The following TFEC variants were observed in gnomAD, a reference collection of about 807,000 sequenced individuals.
TFEC encodes transcription factor EC, also known as class E basic helix-loop-helix protein 34.
In TFEC, 31 loss-of-function variants were observed where a neutral mutation model predicts 41.6. The observed-to-expected ratio is 0.74, with a 90% CI of 0.56 to 1.01. The LOEUF is 1.01. TFEC is among the 50% of genes least tolerant of loss of function. TFEC has a pLI of 0.00. For synonymous variants in TFEC, 143 were observed against 140.6 expected, an observed-to-expected ratio of 1.02 and a Z score of -0.12; for missense variants, 402 against 404.1, an observed-to-expected ratio of 0.99 and a Z score of 0.04.
chr7:116,139,072 A>G (rs1167696308), intron 1 of TFEC, among the ~76,000 whole-genome samples: 1 of 152,128 alleles, frequency 6.6e-6, no homozygotes, highest in Non-Finnish European at 1.5e-5. Flanking sequence ...GCCGTGGCAG[A>G]TTGCTGCACT....
At position 115,984,425 on chromosome 7, in the gene TFEC, T is replaced by A; in HGVS notation, c.17A>T (p.Gln6Leu). The change falls in exon 2 of 8, where the codon CAG (glutamine) becomes CTG (leucine). Residue 6 changes from glutamine to leucine, a missense_variant. By Grantham distance (113) the Gln-to-Leu change is moderately radical (BLOSUM62 -2). Coordinates refer to ENST00000265440, the MANE Select transcript of TFEC (RefSeq NM_012252.4). Reference protein sequence around the residue: MTLDHQIINPTLKWSQ... With the variant: MTLDHLIINPTLKWSQ... ...CCATTTAAGAGTTGGATTGATGATC[T>A]GATGATCAAGGGTCATGAAAGAGTT... 1 of 1,614,146 alleles carries A rather than the reference T, an allele frequency of 6.2e-7. No individual in the cohort carries two copies. The highest frequency in any genetic ancestry group is 8.5e-7 in the Non-Finnish European group (1 of 1,179,978).
rs1795481541 is a variant in TFEC at position 116,023,636 on chromosome 7, T to C, written c.-73+6997A>G. Among the ~76,000 whole-genome samples the C allele has an allele frequency of 4.6e-5, 7 of 152,140 alleles. 1 individual carries two copies. In the South Asian group the frequency reaches 1.5e-3, roughly 32 times the overall value. On this transcript the variant is annotated intron_variant, in intron 1 of 7. Transcript: ENST00000265440. The stretch of plus-strand genomic sequence containing the variant: ...ATACAGCATGAACATCTCAAGAGAC[T>C]TGCCCTAGGTCAGTTCATCTCTCTG...
chr7:116,122,338 A>T (rs1371310746), intron 1 of TFEC, among the ~76,000 whole-genome samples: 1 of 152,104 alleles, frequency 6.6e-6, no homozygotes, highest in African/African-American at 2.4e-5. Flanking sequence ...GAACTCAAAA[A>T]GCATTTTCCT....
At chr7:116,059,082 C>T (rs1340420849) in intron 3 of TFEC, among the ~76,000 whole-genome samples, 1 of 151,660 alleles carries the variant, frequency 6.6e-6, no homozygotes, top group African/African-American at 2.4e-5. Context: ...TAACTGAAAG[C>T]TTATTCTTTA....
At chr7:115,998,918 G>C (rs1053187774) in intron 1 of TFEC, among the ~76,000 whole-genome samples, 20 of 152,016 alleles carry the variant, frequency 1.3e-4, no homozygotes, top group African/African-American at 4.8e-4. Flanking sequence ...CAGCATTGAA[G>C]AGATCATCCA....
At chr7:116,022,688 T>C (rs1372494757) in intron 1 of TFEC, among the ~76,000 whole-genome samples, 5 of 152,192 alleles carry the variant, frequency 3.3e-5, no homozygotes, top group African/African-American at 1.2e-4. Flanking sequence ...ATATAGTATT[T>C]TGTAATGTAT....
chr7:116,130,987 T>C (rs1798320597), intron 1 of TFEC, among the ~76,000 whole-genome samples: 1 of 152,184 alleles, frequency 6.6e-6, no homozygotes, highest in South Asian at 2.1e-4. Flanking sequence ...TATAAAGTAG[T>C]ATACACACAA....
At chr7:116,110,860 A>C (rs1255722228) in exon 3 of TFEC, 1 of 1,543,440 alleles carries the variant, frequency 6.5e-7, no homozygotes. Context: ...TTTTCTCCTA[A>C]TTGTTCTTTC....
At chr7:116,082,333 G>A (rs1797109878) in intron 3 of TFEC, among the ~76,000 whole-genome samples, 1 of 151,922 alleles carries the variant, frequency 6.6e-6, no homozygotes, top group Non-Finnish European at 1.5e-5. Context: ...TCAGAGATAG[G>A]AGGACCTTTT....
rs116309009 is a variant in TFEC at position 115,955,676 on chromosome 7, T to A, written c.382+1003A>T. Among the ~76,000 whole-genome samples, 1,113 of 152,200 alleles carry A rather than the reference T, an allele frequency of 7.3e-3. 23 individuals carry two copies. Among genetic ancestry groups the A allele is most frequent in the African/African-American group, 0.026 (1,066 of 41,552 alleles). On this transcript the variant is annotated intron_variant, in intron 4 of 7. Coordinates refer to ENST00000265440, the MANE Select transcript of TFEC (RefSeq NM_012252.4). Reference sequence around the variant, plus strand: ...ATTATAAATGTTTATTACTTTGAGATTATAAATGTTTATTACTTCAAGTTG... The same window carrying A: ...ATTATAAATGTTTATTACTTTGAGAATATAAATGTTTATTACTTCAAGTTG...
chr7:115,960,866 G>C (rs1792507056), intron 3 of TFEC, among the ~76,000 whole-genome samples: 1 of 151,528 alleles, frequency 6.6e-6, no homozygotes, highest in Non-Finnish European at 1.5e-5. Flanking sequence ...TGGGGAAACT[G>C]ATGTAGCTAT....
At chr7:115,987,687 G>A (rs1793919161) in intron 1 of TFEC, among the ~76,000 whole-genome samples, 1 of 152,060 alleles carries the variant, frequency 6.6e-6, no homozygotes, top group Non-Finnish European at 1.5e-5. Flanking sequence ...CTGCTCAACT[G>A]CTATGCTTCT....
rs1003227537 is a variant in TFEC, at chr7:115,940,302, A to G, written c.*249T>C. 6.0e-5 allele frequency: 23 copies of G among 384,030 alleles called. No homozygotes were observed. The highest frequency in any genetic ancestry group is 4.1e-4 in the African/African-American group (20 of 48,230). 23.8% of individuals were successfully genotyped at this position (384,030 alleles called of 1,614,324 possible). On this transcript the variant is annotated 3_prime_UTR_variant, in exon 8 of 8. Coordinates refer to ENST00000265440, the MANE Select transcript of TFEC (RefSeq NM_012252.4). The stretch of plus-strand genomic sequence containing the variant: ...TTCTTATGCTGTACCTCTTTTCAGG[A>G]AAACAGAATTTAAGTGGATTTGGAC...
At chr7:115,960,779 A>G (rs756539814) in intron 3 of TFEC, among the ~76,000 whole-genome samples, 18 of 151,692 alleles carry the variant, frequency 1.2e-4, no homozygotes, top group Admixed American at 5.3e-4. Context: ...TACAAGAGAC[A>G]TATCCACACA....
At chr7:116,088,533 T>C (rs76807588) in intron 3 of TFEC, among the ~76,000 whole-genome samples, 2,239 of 152,222 alleles carry the variant, frequency 0.015, 23 homozygotes, top group Non-Finnish European at 0.023. Context: ...TATTGGTCAA[T>C]TGAGTCAATA....
intron 6 of TFEC, among the ~76,000 whole-genome samples, chr7:115,943,966 A>T (rs1178194132): frequency 1.3e-5 from 2 of 150,044 alleles, no homozygotes; most frequent in Middle Eastern, 3.4e-3. Context: ...AAATAATTTT[A>T]AAAAAAGATT....
intron 3 of TFEC, among the ~76,000 whole-genome samples, chr7:116,059,627 T>C (rs546506232): frequency 2.0e-5 from 3 of 151,898 alleles, no homozygotes; most frequent in Admixed American, 1.3e-4. Flanking sequence ...CATTATCAAG[T>C]GAAAAAAATC....
intron 3 of TFEC, among the ~76,000 whole-genome samples, chr7:116,055,506 A>T (rs1796408857): frequency 6.6e-6 from 1 of 151,960 alleles, no homozygotes; most frequent in South Asian, 2.1e-4. Context: ...ATCCATTAGG[A>T]CCCTAAGTGT....
chr7:116,067,884 G>A (rs1796731817), intron 3 of TFEC, among the ~76,000 whole-genome samples: 1 of 151,750 alleles, frequency 6.6e-6, no homozygotes, highest in Non-Finnish European at 1.5e-5. Context: ...AAGGACAGGA[G>A]CTCTCATCTC....
Sources: allele counts gnomAD v4.1 joint callset (sites outside exome capture counted in the v4.1 genomes callset), GRCh38; gene constraint gnomAD v4.1.1; transcripts MANE v1.5; gene names NCBI Gene and HGNC (gene_info 2026-07-23, HGNC 2026-07-21).